QKI: variants seen among roughly 807,000 people sequenced by gnomAD.
QKI encodes QKI, KH domain containing RNA binding.
Under a neutral mutation model 39.0 loss-of-function variants are expected in QKI, and 10 were observed. The observed-to-expected ratio is 0.26, with a 90% CI of 0.16 to 0.43. The LOEUF is 0.43. Ranked by LOEUF, QKI falls within the 20% of genes least tolerant of loss-of-function variation. QKI has a pLI of 1.00. For missense variants in QKI, 218 were observed against 428.0 expected, an observed-to-expected ratio of 0.51 and a Z score of 4.33; for synonymous variants, 204 against 155.4, an observed-to-expected ratio of 1.31 and a Z score of -2.33.
At chr6:163,556,874 C>T (rs1429041599) in intron 4 of QKI, among the ~76,000 whole-genome samples, 1 of 152,126 alleles carries the variant, frequency 6.6e-6, no homozygotes, top group Non-Finnish European at 1.5e-5. Flanking sequence ...TTTTACATTT[C>T]AAAAGTAAAG....
intron 4 of QKI, among the ~76,000 whole-genome samples, chr6:163,539,257 A>AATCATC (rs1334179949): frequency 1.3e-5 from 2 of 152,116 alleles, no homozygotes; most frequent in Non-Finnish European, 2.9e-5. Flanking sequence ...AGGAAGAGGA[A>AATCATC]ATCATCAGCC....
chr6:163,493,898 GCTTATCTGTT>G (rs1265416451), intron 3 of QKI, among the ~76,000 whole-genome samples: 2 of 152,012 alleles, frequency 1.3e-5, no homozygotes, highest in Non-Finnish European at 2.9e-5. Flanking sequence ...CAAGGTTAAA[GCTTATCTGTT>G]TCACTTGTTT....
chr6:163,494,355 G>T (rs1778262521), intron 3 of QKI, among the ~76,000 whole-genome samples: 1 of 152,190 alleles, frequency 6.6e-6, no homozygotes, highest in Admixed American at 6.5e-5. Flanking sequence ...CAATCCCACA[G>T]GGATACTAAG....
At chr6:163,497,843 A>G (rs1339699554) in intron 3 of QKI, among the ~76,000 whole-genome samples, 1 of 152,024 alleles carries the variant, frequency 6.6e-6, no homozygotes. Flanking sequence ...TTGAGATGAA[A>G]ACTTACATAG....
chr6:163,485,040 A>G (rs1396436794), intron 3 of QKI, among the ~76,000 whole-genome samples: 1 of 152,234 alleles, frequency 6.6e-6, no homozygotes, highest in Non-Finnish European at 1.5e-5. Flanking sequence ...TTGTGCCAGG[A>G]AACAAAGACC....
At chr6:163,569,819 T>A in intron 7 of QKI, 1 of 987,750 alleles carries the variant, frequency 1.0e-6, no homozygotes, top group Non-Finnish European at 1.2e-6. Flanking sequence ...TGTTTGTAGT[T>A]TTAAAATGCC....
chr6:163,528,807 A>G (rs1471229251), intron 3 of QKI, among the ~76,000 whole-genome samples: 3 of 152,098 alleles, frequency 2.0e-5, no homozygotes, highest in Admixed American at 6.6e-5. Flanking sequence ...AAATAGAGCT[A>G]TTTTCCATTT....
At chr6:163,529,407 A>T (rs1780711026) in intron 3 of QKI, among the ~76,000 whole-genome samples, 1 of 152,218 alleles carries the variant, frequency 6.6e-6, no homozygotes, top group African/African-American at 2.4e-5. Flanking sequence ...GTGTAAAATC[A>T]ATGTGTACAT....
In QKI at chr6:163,415,271, G is replaced by A; in HGVS notation, c.78G>A (p.Lys26=). The part of the protein sequence containing the change: ...DYLMQLMNDK[K]LMSSLPNFCG... ...TGATGCAGCTGATGAACGACAAGAA[G>A]CTCATGAGCAGCCTGCCCAACTTCT... The change falls in exon 1 of 8, where the codon AAG becomes AAA. Residue 26 remains lysine (K), a synonymous_variant. Coordinates refer to ENST00000361752, the MANE Select transcript of QKI (RefSeq NM_006775.3). 1.9e-6 allele frequency: 3 copies of A among 1,596,880 alleles called. No individual in the cohort carries two copies. The highest frequency in any genetic ancestry group is 1.1e-5 in the South Asian group (1 of 90,262).
At chr6:163,529,297 A>G (rs1457900117) in intron 3 of QKI, among the ~76,000 whole-genome samples, 1 of 152,228 alleles carries the variant, frequency 6.6e-6, no homozygotes, top group East Asian at 1.9e-4. Context: ...GGAAAGCTGC[A>G]GCATATTCAT....
At chr6:163,501,068 T>C (rs1778726893) in intron 3 of QKI, among the ~76,000 whole-genome samples, 1 of 152,158 alleles carries the variant, frequency 6.6e-6, no homozygotes, top group Non-Finnish European at 1.5e-5. Flanking sequence ...TTTATTTTGT[T>C]AATAACAGGT....
At chr6:163,529,555 TAAAG>T (rs1358126337) in intron 3 of QKI, among the ~76,000 whole-genome samples, 18 of 151,964 alleles carry the variant, frequency 1.2e-4, no homozygotes, top group East Asian at 1.2e-3. Context: ...AAGTAAATAT[TAAAG>T]AAAGGGAAAG....
Position 163,578,506 on chromosome 6 carries a change from TA to T in QKI, c.*7798del. ...GTTGAAAGTTGGTTTGAATACATTT[TA>T]ATTAAATGATAATATGTTAATATGC... is the stretch of plus-strand genomic sequence containing the variant. On this transcript the variant is annotated 3_prime_UTR_variant, in exon 8 of 8. Transcript: ENST00000361752. 1 of 152,356 alleles carries T rather than the reference TA, an allele frequency of 6.6e-6. No homozygotes were observed. The highest frequency in any genetic ancestry group is 2.1e-4 in the South Asian group (1 of 4,832). 9.4% of individuals were successfully genotyped at this position (152,356 alleles called of 1,614,324 possible). A position where few individuals can be genotyped will look rare whatever the true frequency, so the allele number is the denominator to read the frequency against.
intron 1 of QKI, among the ~76,000 whole-genome samples, chr6:163,444,065 T>C (rs966164805): frequency 1.3e-5 from 2 of 152,198 alleles, no homozygotes; most frequent in Non-Finnish European, 2.9e-5. Flanking sequence ...AGGATGTAAT[T>C]TAAAGTAAAT....
chr6:163,449,705 T>C (rs933937949), intron 1 of QKI, among the ~76,000 whole-genome samples: 1 of 152,186 alleles, frequency 6.6e-6, no homozygotes, highest in Non-Finnish European at 1.5e-5. Context: ...ATTTTGATTT[T>C]CTTAGTTTAA....
chr6:163,527,918 G>A (rs1450962193), intron 3 of QKI, among the ~76,000 whole-genome samples: 1 of 152,048 alleles, frequency 6.6e-6, no homozygotes, highest in Non-Finnish European at 1.5e-5. Flanking sequence ...AAGACTAGAG[G>A]AATTTTATGT....
At chr6:163,529,275 C>T (rs1243774620) in intron 3 of QKI, among the ~76,000 whole-genome samples, 4 of 152,162 alleles carry the variant, frequency 2.6e-5, no homozygotes, top group African/African-American at 9.7e-5. Flanking sequence ...ATTAGTACAG[C>T]AGAGCACTGT....
chr6:163,423,753 C>A (rs1264606932), intron 1 of QKI, among the ~76,000 whole-genome samples: 2 of 152,208 alleles, frequency 1.3e-5, no homozygotes, highest in Non-Finnish European at 2.9e-5. Flanking sequence ...TCAGCTCATT[C>A]ACTTCTTTGT....
chr6:163,536,264 T>C (rs986191031), intron 4 of QKI, among the ~76,000 whole-genome samples: 1 of 152,180 alleles, frequency 6.6e-6, no homozygotes, highest in African/African-American at 2.4e-5. Context: ...TTGTGTGGTA[T>C]TGAAAAACTG....
Sources: allele counts gnomAD v4.1 joint callset (sites outside exome capture counted in the v4.1 genomes callset), GRCh38; gene constraint gnomAD v4.1.1; transcripts MANE v1.5; gene names NCBI Gene and HGNC (gene_info 2026-07-23, HGNC 2026-07-21).